Variants in MYH10 observed in about 807,000 individuals in gnomAD.
The protein encoded by MYH10 is myosin-10.
MYH10 carries 55 observed loss-of-function variants against 257.8 expected under a neutral mutation model. The ratio of observed to expected loss-of-function variants is 0.21; its 90% CI spans 0.17 to 0.27. The LOEUF is 0.27. Among genes scored for constraint, MYH10 ranks in the 10% least tolerant of loss-of-function variants. MYH10 has a pLI of 1.00. For synonymous variants in MYH10, 854 were observed against 921.7 expected (o/e 0.93, Z 1.33); for missense variants, 1,631 against 2,500.6 (o/e 0.65, Z 7.42).
At chr17:8,557,899 A>G (rs1275232250) in intron 7 of MYH10, among the ~76,000 whole-genome samples, 2 of 152,212 alleles carry the variant, frequency 1.3e-5, no homozygotes, top group African/African-American at 4.8e-5. Flanking sequence ...GGTGTTAGTC[A>G]CCAAACCTGC....
chr17:8,601,901 G>C (rs1337406250), intron 3 of MYH10, among the ~76,000 whole-genome samples: 2 of 151,870 alleles, frequency 1.3e-5, no homozygotes, highest in South Asian at 2.1e-4. Flanking sequence ...AAAGATGTGG[G>C]ATGTGTGACC....
At chr17:8,609,257 A>G (rs2084934481) in intron 2 of MYH10, among the ~76,000 whole-genome samples, 3 of 152,222 alleles carry the variant, frequency 2.0e-5, no homozygotes, top group Admixed American at 2.0e-4. Flanking sequence ...CAGAGATACA[A>G]TAGTCTCCTA....
chr17:8,494,033 A>G, intron 31 of MYH10, 148 bp from the exon 32 acceptor site: 4 of 881,018 alleles, frequency 4.5e-6, no homozygotes, highest in Non-Finnish European at 6.8e-6. Flanking sequence ...TGATTTAAAA[A>G]CACACACGAT....
chr17:8,563,897 A>T (rs959804189), intron 7 of MYH10, among the ~76,000 whole-genome samples: 1 of 152,078 alleles, frequency 6.6e-6, no homozygotes, highest in African/African-American at 2.4e-5. Flanking sequence ...CTTGGAAAAA[A>T]AAAAAAAAAA....
chr17:8,528,829 A>G (rs1410954944), intron 17 of MYH10, among the ~76,000 whole-genome samples: 2 of 152,188 alleles, frequency 1.3e-5, no homozygotes, highest in Non-Finnish European at 2.9e-5. Context: ...AGAGAAAACG[A>G]TTTTGCTGTA....
chr17:8,625,393 C>T (rs2085637224), intron 1 of MYH10, among the ~76,000 whole-genome samples: 1 of 152,220 alleles, frequency 6.6e-6, no homozygotes, highest in Admixed American at 6.5e-5. Context: ...CATGCATTTG[C>T]AGCACCTAGA....
chr17:8,537,865 G>A (rs2082183806), intron 14 of MYH10, among the ~76,000 whole-genome samples: 1 of 152,060 alleles, frequency 6.6e-6, no homozygotes, highest in South Asian at 2.1e-4. Flanking sequence ...TCTGAACCGG[G>A]TATTTCCAAG....
At chr17:8,520,780 AG>A in intron 19 of MYH10, 97 bp downstream of exon 19, 1 of 1,336,680 alleles carries the variant, frequency 7.5e-7, no homozygotes, top group Middle Eastern at 2.3e-4. Context: ...CAAACTATGT[AG>A]GGGACAAGGA....
chr17:8,520,845 T>C (rs372527798), intron 19 of MYH10, 33 bp downstream of exon 19: 4 of 1,574,976 alleles, frequency 2.5e-6, no homozygotes, highest in Non-Finnish European at 2.6e-6. Flanking sequence ...TAAACTCTGA[T>C]ACATAAGCAA....
chr17:8,591,161 C>T (rs2084125073), intron 3 of MYH10, among the ~76,000 whole-genome samples: 2 of 152,238 alleles, frequency 1.3e-5, no homozygotes, highest in African/African-American at 2.4e-5. Context: ...CATGAGCCAC[C>T]GTACCTGGCC....
At chr17:8,588,229 T>C (rs2083985441) in intron 4 of MYH10, among the ~76,000 whole-genome samples, 1 of 152,084 alleles carries the variant, frequency 6.6e-6, no homozygotes, top group African/African-American at 2.4e-5. Flanking sequence ...ATGGCTTCCA[T>C]CACCTTCCAT....
intron 7 of MYH10, among the ~76,000 whole-genome samples, chr17:8,556,926 A>G (rs570985944): frequency 6.6e-6 from 1 of 152,316 alleles, no homozygotes; most frequent in East Asian, 1.9e-4. Context: ...TAATAATTCA[A>G]TTCTGTGTAT....
At chr17:8,626,349 C>T (rs753016756) in intron 1 of MYH10, among the ~76,000 whole-genome samples, 7 of 151,892 alleles carry the variant, frequency 4.6e-5, no homozygotes, top group Non-Finnish European at 8.8e-5. Context: ...GTAGATTGCT[C>T]GAGTCCAGGT....
In MYH10 at chr17:8,475,590, AAT is replaced by A. The variant is rs1480851804; in HGVS notation, c.*212_*213del. Reference sequence around the variant, plus strand: ...GATGCAATGATGAAACAATCTGTTTAATATATGTGTCCTGTGTGTGTCTATAT... The same window carrying A: ...GATGCAATGATGAAACAATCTGTTTAATATGTGTCCTGTGTGTGTCTATAT... On this transcript the variant is annotated 3_prime_UTR_variant, in exon 43 of 43. Transcript: ENST00000360416. The A allele has an allele frequency of 7.5e-6, 4 of 531,936 alleles. No individual in the cohort carries two copies. In the African/African-American group the frequency reaches 7.6e-5, roughly 10 times the overall value. The allele number at this position is 531,936 out of a possible 1,614,324, so 33.0% of individuals were successfully genotyped here.
In MYH10 at chr17:8,623,248, G is replaced by A; in HGVS notation, c.-2C>T. 1 of 1,569,136 alleles carries A rather than the reference G, an allele frequency of 6.4e-7. No individual in the cohort carries two copies. Among genetic ancestry groups the A allele is most frequent in the Non-Finnish European group, 8.6e-7 (1 of 1,161,110 alleles). ...CTCGAGTCCAGTTCTCTGCGCCATTGTAAATGGAACGATCCAAAAGCAATT... is the reference window on the plus strand; with the variant it reads ...CTCGAGTCCAGTTCTCTGCGCCATTATAAATGGAACGATCCAAAAGCAATT... On this transcript the variant is annotated 5_prime_UTR_variant, in exon 2 of 43. Transcript: ENST00000360416.
chr17:8,476,817 G>A lies in MYH10; in HGVS notation c.5879+59C>T, dbSNP rs772204379. 7.1e-6 allele frequency: 11 copies of A among 1,555,036 alleles called. No individual in the cohort carries two copies. The East Asian group carries it at 1.8e-4, about 26-fold the overall frequency. On this transcript the variant is annotated intron_variant, in intron 42 of 42. Coordinates refer to ENST00000360416, the MANE Select transcript of MYH10 (RefSeq NM_001256012.3). ...AACTTCCTCTGACCAGCTGCACCCC[G>A]AGCCTAAGCTAACCCACAAAGCAGC...
At chr17:8,582,979 T>G (rs1407990487) in intron 4 of MYH10, among the ~76,000 whole-genome samples, 1 of 152,204 alleles carries the variant, frequency 6.6e-6, no homozygotes, top group East Asian at 1.9e-4. Flanking sequence ...CCCTATATTA[T>G]CTATACCTAT....
In MYH10 at chr17:8,506,610, C is replaced by T. The variant is rs1371967766; in HGVS notation, c.3215-121G>A. ...TTTTATTCAAAAGCATGTCACTGCC[C>T]TGATGACATGGTCATGCGCTGATGT... On this transcript the variant is annotated intron_variant, in intron 26 of 42. Transcript: ENST00000360416. This position sits in a 1 kb window ranked among gnomAD's most constrained non-coding sequence, Gnocchi z 5.0. 2.9e-6 allele frequency: 3 copies of T among 1,021,674 alleles called. No homozygotes were observed. The highest frequency in any genetic ancestry group is 4.3e-6 in the Non-Finnish European group (3 of 690,520). The allele number at this position is 1,021,674 out of a possible 1,614,324, so 63.3% of individuals were successfully genotyped here.
chr17:8,620,079 A>G (rs555345466), intron 2 of MYH10, among the ~76,000 whole-genome samples: 1 of 152,298 alleles, frequency 6.6e-6, no homozygotes, highest in Admixed American at 6.5e-5. Flanking sequence ...GATATAAACA[A>G]TACAGTTAAA....
Sources: allele counts gnomAD v4.1 joint callset (sites outside exome capture counted in the v4.1 genomes callset), GRCh38; gene constraint gnomAD v4.1.1; non-coding constraint Gnocchi (gnomAD v3.1); transcripts MANE v1.5; gene names NCBI Gene and HGNC (gene_info 2026-07-23, HGNC 2026-07-21).